NDUFAF6: variants seen among roughly 807,000 people sequenced by gnomAD.
The protein encoded by NDUFAF6 is NADH:ubiquinone oxidoreductase complex assembly factor 6.
In NDUFAF6, 45 loss-of-function variants were observed where a neutral mutation model predicts 40.8. That is an observed-to-expected ratio of 1.10 (90% CI 0.87 to 1.42). The LOEUF (loss-of-function observed/expected upper bound fraction) is 1.42, where lower values mean the gene tolerates loss of function less well. Ranked by LOEUF, NDUFAF6 falls within the 40% of genes most tolerant of loss-of-function variation. The pLI, the probability that NDUFAF6 is intolerant of heterozygous loss-of-function variation, is 0.00. For missense variants in NDUFAF6, 435 were observed against 418.5 expected (o/e 1.04, Z -0.34); for synonymous variants, 185 against 155.9 (o/e 1.19, Z -1.39).
chr8:95,039,892 G>A (rs966168690), intron 3 of NDUFAF6, among the ~76,000 whole-genome samples: 6 of 152,232 alleles, frequency 3.9e-5, no homozygotes, highest in Non-Finnish European at 7.3e-5. Context: ...GCCTCCCAAA[G>A]TGCTGGGATT....
intron 2 of NDUFAF6, among the ~76,000 whole-genome samples, chr8:94,983,086 C>T (rs1825575580): frequency 1.3e-5 from 2 of 151,990 alleles, no homozygotes; most frequent in Non-Finnish European, 2.9e-5. Flanking sequence ...TGCATGTGGT[C>T]ATTGCAAAAA....
chr8:94,930,807 A>G, intron 1 of NDUFAF6: 2 of 1,474,476 alleles, frequency 1.4e-6, no homozygotes, highest in East Asian at 2.3e-5. Flanking sequence ...TTAGCAATTC[A>G]ATTTGCCACG....
intron 1 of NDUFAF6, among the ~76,000 whole-genome samples, chr8:94,979,792 C>A (rs10098778): frequency 6.6e-6 from 1 of 152,062 alleles, no homozygotes; most frequent in Non-Finnish European, 1.5e-5. Context: ...GAACTTTATC[C>A]ATAGAAGACA....
chr8:94,931,403 A>G (rs529999585), intron 1 of NDUFAF6, among the ~76,000 whole-genome samples: 7 of 146,152 alleles, frequency 4.8e-5, no homozygotes, highest in South Asian at 4.2e-4. Context: ...GAATAACACA[A>G]TCTTAAAATT....
chr8:94,987,366 C>T (rs1422496531), intron 2 of NDUFAF6, among the ~76,000 whole-genome samples: 1 of 152,108 alleles, frequency 6.6e-6, no homozygotes, highest in African/African-American at 2.4e-5. Context: ...TTTCCAGTCC[C>T]TTCAGAAATT....
At chr8:94,929,786 C>T (rs1015517850) in intron 1 of NDUFAF6, 2 of 152,186 alleles carry the variant, frequency 1.3e-5, no homozygotes, top group African/African-American at 4.8e-5. Context: ...GAGACAAGTG[C>T]CTCTGTCTAC....
chr8:95,108,089 G>A (rs967085434), downstream of NDUFAF6, among the ~76,000 whole-genome samples: 1 of 152,206 alleles, frequency 6.6e-6, no homozygotes, highest in African/African-American at 2.4e-5. Context: ...GGGATATGGG[G>A]CAATTGGAAT....
At chr8:94,904,060 G>T (rs1818205411) in intron 1 of NDUFAF6, among the ~76,000 whole-genome samples, 1 of 152,074 alleles carries the variant, frequency 6.6e-6, no homozygotes, top group Admixed American at 6.6e-5. Context: ...TGTGAACTGG[G>T]CCAAGCTGTC....
At chr8:94,898,913 TTG>T (rs746091637) in intron 1 of NDUFAF6, among the ~76,000 whole-genome samples, 9 of 152,258 alleles carry the variant, frequency 5.9e-5, no homozygotes, top group Non-Finnish European at 1.2e-4. Flanking sequence ...TACGTTTTTA[TTG>T]TCATGAGACT....
At chr8:95,066,536 A>G (rs1272125117) in intron 9 of NDUFAF6, among the ~76,000 whole-genome samples, 26 of 152,164 alleles carry the variant, frequency 1.7e-4, no homozygotes, top group Admixed American at 1.6e-3. Context: ...TCATAAATCT[A>G]GGTTTTTTAA....
intron 2 of NDUFAF6, among the ~76,000 whole-genome samples, chr8:94,994,606 G>C (rs1335803381): frequency 1.3e-5 from 2 of 152,010 alleles, no homozygotes; most frequent in Non-Finnish European, 2.9e-5. Context: ...AGCCAGGGTG[G>C]GATGATTGCT....
chr8:94,909,418 A>C (rs896741774), intron 1 of NDUFAF6, among the ~76,000 whole-genome samples: 5 of 145,020 alleles, frequency 3.4e-5, no homozygotes, highest in Non-Finnish European at 7.5e-5. Context: ...CAAGGTCAGG[A>C]GTTCAAGACC....
chr8:95,020,285 AG>A (rs1241681475), upstream of NDUFAF6, among the ~76,000 whole-genome samples: 1 of 152,246 alleles, frequency 6.6e-6, no homozygotes, highest in Non-Finnish European at 1.5e-5. Flanking sequence ...TGCTGATAAT[AG>A]GTTCCTTAAA....
downstream of NDUFAF6, chr8:95,058,853 A>G (rs76559795): frequency 3.2e-3 from 2,890 of 891,912 alleles, 63 homozygotes; most frequent in African/African-American, 0.048. Flanking sequence ...ATTGTTTGAG[A>G]CCAGCCTGGG....
At chr8:95,021,536 C>T (rs545202418), upstream of NDUFAF6, among the ~76,000 whole-genome samples, 2 of 152,212 alleles carry the variant, frequency 1.3e-5, no homozygotes, top group African/African-American at 4.8e-5. Flanking sequence ...CTTCTTGGCA[C>T]GTGCTACTGG....
Position 94,938,793 on chromosome 8 carries a change from C to T in NDUFAF6, c.-935-6690C>T, listed in dbSNP as rs973316742. Among the ~76,000 whole-genome samples, 7 of 152,130 alleles carry T rather than the reference C, an allele frequency of 4.6e-5. No individual in the cohort carries two copies. The South Asian group carries it at 1.5e-3, about 32-fold the overall frequency. Reference sequence around the variant, plus strand: ...TTTAATAAACTGGTAAACATGTTCCCCCAAGTTCTATAAGATGCTCTAGCA... The same window carrying T: ...TTTAATAAACTGGTAAACATGTTCCTCCAAGTTCTATAAGATGCTCTAGCA... On this transcript the variant is annotated intron_variant, in intron 1 of 14. Coordinates refer to the NDUFAF6 transcript ENST00000396113.
chr8:94,986,391 C>G (rs1206987189), intron 2 of NDUFAF6, among the ~76,000 whole-genome samples: 1 of 152,210 alleles, frequency 6.6e-6, no homozygotes, highest in Non-Finnish European at 1.5e-5. Context: ...AGCTTTGTAT[C>G]TGGGTACACC....
intron 1 of NDUFAF6, among the ~76,000 whole-genome samples, chr8:94,976,905 CTT>C (rs1215164238): frequency 6.6e-6 from 1 of 152,082 alleles, no homozygotes; most frequent in Non-Finnish European, 1.5e-5. Flanking sequence ...AATCTCAGCA[CTT>C]TGGGAAGCCC....
At chr8:94,990,889 T>C (rs1419356770) in intron 2 of NDUFAF6, among the ~76,000 whole-genome samples, 1 of 152,228 alleles carries the variant, frequency 6.6e-6, no homozygotes, top group Non-Finnish European at 1.5e-5. Flanking sequence ...TTTCCCCATT[T>C]ATGCTCAGAC....
Sources: gnomAD v4.1 joint callset for allele counts (sites outside exome capture counted in the v4.1 genomes callset) on GRCh38, gnomAD v4.1.1 for gene constraint, MANE v1.5 for transcripts, NCBI Gene and HGNC (gene_info 2026-07-23, HGNC 2026-07-21) for gene names.